Variants in FRMPD4 observed in about 807,000 individuals in gnomAD.
FRMPD4 encodes FERM and PDZ domain-containing protein 4.
FRMPD4 carries 22 observed loss-of-function variants against 94.1 expected under a neutral mutation model. That is an observed-to-expected ratio of 0.23 (90% CI 0.17 to 0.33). The LOEUF (loss-of-function observed/expected upper bound fraction) is 0.33. Ranked by LOEUF, FRMPD4 falls within the 10% of genes least tolerant of loss-of-function variation. FRMPD4 has a pLI of 1.00. For synonymous variants in FRMPD4, 631 were observed against 548.6 expected (o/e 1.15, Z -2.10); for missense variants, 1,111 against 1,339.9 (o/e 0.83, Z 2.67).
chrX:11,896,174 G>A (rs907594309), intron 3 of FRMPD4, among the ~76,000 whole-genome samples: 6 of 111,401 alleles, frequency 5.4e-5, no homozygotes, highest in African/African-American at 9.8e-5. Context: ...TTCCTAAATC[G>A]TAGAGGCATA....
chrX:12,644,506 G>A (rs1366166568), intron 4 of FRMPD4, among the ~76,000 whole-genome samples: 1 of 111,337 alleles, frequency 9.0e-6, no homozygotes, highest in African/African-American at 3.3e-5. Flanking sequence ...TTGAAAATGA[G>A]GAGATTCTAG....
chrX:12,691,790 G>A (rs1228381826), intron 8 of FRMPD4, among the ~76,000 whole-genome samples: 4 of 110,402 alleles, frequency 3.6e-5, no homozygotes, highest in South Asian at 4.1e-4. Flanking sequence ...CAGTCCTACC[G>A]GAGAGCACTG....
At chrX:12,661,300 T>C (rs966823895) in intron 4 of FRMPD4, among the ~76,000 whole-genome samples, 2 of 112,534 alleles carry the variant, frequency 1.8e-5, no homozygotes, top group Non-Finnish European at 1.9e-5. Flanking sequence ...AAGTCTTTAA[T>C]ACATTGCTTA....
At chrX:12,430,803 CATT>C (rs895157172) in intron 1 of FRMPD4, among the ~76,000 whole-genome samples, 3 of 112,448 alleles carry the variant, frequency 2.7e-5, no homozygotes, top group Admixed American at 9.4e-5. Context: ...ATTTGTTAAA[CATT>C]ATTTTCTAAC....
intron 1 of FRMPD4, among the ~76,000 whole-genome samples, chrX:11,833,213 C>T (rs1225303164): frequency 8.9e-6 from 1 of 111,888 alleles, no homozygotes; most frequent in African/African-American, 3.2e-5. Context: ...CTGGATGTAC[C>T]ACAGTTTCTT....
chrX:12,683,604 C>G lies in FRMPD4; in HGVS notation c.573+17C>G. The G allele has an allele frequency of 1.1e-6, 1 of 895,451 alleles. No individual in the cohort carries two copies. Among genetic ancestry groups the G allele is most frequent in the Non-Finnish European group, 1.6e-6 (1 of 613,394 alleles). 73.8% of individuals were successfully genotyped at this position (895,451 alleles called of 1,213,427 possible). A position where few individuals can be genotyped will look rare whatever the true frequency, so the allele number is the denominator to read the frequency against. The stretch of plus-strand genomic sequence containing the variant: ...CAAGTGTCGGTGAGTTTACAGTCAC[C>G]TGCTTTGTGACTCAGGGAGAGTCAA... On this transcript the variant is annotated intron_variant, in intron 6 of 16. Coordinates refer to ENST00000675598, the MANE Select transcript of FRMPD4 (RefSeq NM_001368397.1).
chrX:12,451,440 G>A (rs1354011528), intron 1 of FRMPD4, among the ~76,000 whole-genome samples: 1 of 111,484 alleles, frequency 9.0e-6, no homozygotes, highest in Non-Finnish European at 1.9e-5. Flanking sequence ...GTTTAATTGG[G>A]AAGAGAGTTG....
At chrX:11,826,510 C>T (rs1482967156) in intron 1 of FRMPD4, among the ~76,000 whole-genome samples, 1 of 111,802 alleles carries the variant, frequency 8.9e-6, no homozygotes, top group Non-Finnish European at 1.9e-5. Context: ...GAAGGATAAA[C>T]AAAATCTATG....
intron 2 of FRMPD4, among the ~76,000 whole-genome samples, chrX:12,547,057 A>G (rs2058486752): frequency 9.5e-6 from 1 of 105,100 alleles, no homozygotes; most frequent in African/African-American, 3.5e-5. Flanking sequence ...TAAAACACTG[A>G]TACCTGACAT....
chrX:12,085,916 A>G (rs1327707398), intron 3 of FRMPD4, among the ~76,000 whole-genome samples: 2 of 112,408 alleles, frequency 1.8e-5, no homozygotes, highest in Non-Finnish European at 3.8e-5. Flanking sequence ...TGTTCTGCCT[A>G]TTTTTTATCT....
intron 1 of FRMPD4, among the ~76,000 whole-genome samples, chrX:12,238,065 A>C (rs188431318): frequency 1.1e-3 from 118 of 111,975 alleles, no homozygotes; most frequent in African/African-American, 3.7e-3. Flanking sequence ...TGCAACAGAG[A>C]CTTCTTGGCC....
chrX:12,331,325 C>T (rs146228934), intron 1 of FRMPD4, among the ~76,000 whole-genome samples: 1 of 103,073 alleles, frequency 9.7e-6, no homozygotes, highest in East Asian at 3.0e-4. Context: ...GGTATCATGT[C>T]GACATATTTC....
chrX:12,058,378 T>G (rs2054866357), intron 3 of FRMPD4, among the ~76,000 whole-genome samples: 1 of 110,886 alleles, frequency 9.0e-6, no homozygotes, highest in African/African-American at 3.3e-5. Context: ...GATTGAGAGA[T>G]GGGGGAATGA....
chrX:12,065,606 T>C (rs1005973810), intron 3 of FRMPD4, among the ~76,000 whole-genome samples: 1 of 112,027 alleles, frequency 8.9e-6, no homozygotes, highest in Non-Finnish European at 1.9e-5. Context: ...TGTGTGTTGC[T>C]GCAGCAGTCT....
chrX:12,016,060 T>C (rs1356486619), intron 3 of FRMPD4, among the ~76,000 whole-genome samples: 2 of 112,473 alleles, frequency 1.8e-5, no homozygotes, highest in African/African-American at 6.5e-5. Flanking sequence ...AGGAAAACTA[T>C]TTTACCTAGA....
chrX:12,221,452 A>T (rs1403630167), intron 1 of FRMPD4, among the ~76,000 whole-genome samples: 2 of 112,616 alleles, frequency 1.8e-5, no homozygotes, highest in African/African-American at 6.4e-5. Context: ...AATACAATGC[A>T]CAGAACCTTG....
intron 1 of FRMPD4, among the ~76,000 whole-genome samples, chrX:12,202,043 A>T (rs2056636859): frequency 9.7e-6 from 1 of 103,555 alleles, no homozygotes; most frequent in Admixed American, 1.0e-4. Flanking sequence ...TATAATCCTT[A>T]TTTTCTTACA....
intron 4 of FRMPD4, among the ~76,000 whole-genome samples, chrX:12,640,296 CAA>C (rs1157854116): frequency 1.1e-3 from 25 of 23,794 alleles, no homozygotes; most frequent in African/African-American, 4.8e-3. Context: ...GAGGCTGTCT[CAA>C]AAAAAAAAAA....
intron 2 of FRMPD4, among the ~76,000 whole-genome samples, chrX:12,538,289 C>T (rs1360537268): frequency 1.8e-5 from 2 of 111,391 alleles, no homozygotes; most frequent in African/African-American, 6.5e-5. Context: ...GAGGGGCGCC[C>T]GCCATTGCTG....
Sources: allele counts gnomAD v4.1 joint callset (sites outside exome capture counted in the v4.1 genomes callset), GRCh38; gene constraint gnomAD v4.1.1; transcripts MANE v1.5; gene names NCBI Gene and HGNC (gene_info 2026-07-23, HGNC 2026-07-21).